The following PTK2 variants were observed in gnomAD, a reference collection of about 807,000 sequenced individuals.
PTK2 encodes protein tyrosine kinase 2, also known as focal adhesion kinase 1.
Under a neutral mutation model 150.1 loss-of-function variants are expected in PTK2, and 45 were observed. The ratio of observed to expected loss-of-function variants is 0.30; its 90% CI spans 0.24 to 0.38. The LOEUF is 0.38. Among genes scored for constraint, PTK2 ranks in the 10% least tolerant of loss-of-function variants. The pLI is 1.00. For synonymous variants in PTK2, 432 were observed against 449.2 expected (o/e 0.96, Z 0.48); for missense variants, 919 against 1,307.3 (o/e 0.70, Z 4.58).
In PTK2 at chr8:140,924,685, G is replaced by A. The variant is rs76122617; in HGVS notation, c.-33+976C>T. Among the ~76,000 whole-genome samples the A allele has an allele frequency of 2.6e-4, 39 of 152,216 alleles. No individual in the cohort carries two copies. The East Asian group carries it at 6.6e-3, about 26-fold the overall frequency. ...TAGTACATACTTATTGAATGAATAA[G>A]TGAACTAAACATTATGAAAACTTTG... On this transcript the variant is annotated intron_variant, in intron 2 of 31. Coordinates refer to ENST00000522684, the Ensembl canonical transcript of PTK2.
At chr8:140,951,909 A>AATT (rs397731649) in intron 1 of PTK2, among the ~76,000 whole-genome samples, 1 of 145,408 alleles carries the variant, frequency 6.9e-6, no homozygotes, top group African/African-American at 2.5e-5. Context: ...AAAAAAAAAA[A>AATT]TTTTTTTTTT....
intron 12 of PTK2, among the ~76,000 whole-genome samples, chr8:140,795,943 C>T (rs2100091295): frequency 1.3e-5 from 2 of 152,190 alleles, no homozygotes; most frequent in African/African-American, 4.8e-5. Flanking sequence ...CGGCAGAGAG[C>T]CCTTCCTGGA....
chr8:140,682,367 C>T (rs906655461), intron 27 of PTK2, among the ~76,000 whole-genome samples: 1 of 152,154 alleles, frequency 6.6e-6, no homozygotes, highest in Non-Finnish European at 1.5e-5. Context: ...AAGACCCTGT[C>T]TCAAAACAAA....
At chr8:140,725,858 A>G (rs1159436165) in intron 22 of PTK2, among the ~76,000 whole-genome samples, 1 of 151,400 alleles carries the variant, frequency 6.6e-6, no homozygotes, top group Non-Finnish European at 1.5e-5. Context: ...AAAAAAAAAA[A>G]CCCATAAAAA....
chr8:140,735,182 A>G, intron 22 of PTK2, 69 bp downstream of exon 25: 1 of 1,429,910 alleles, frequency 7.0e-7, no homozygotes, highest in Non-Finnish European at 9.7e-7. Context: ...TTAAAATGCT[A>G]TTACTGCAAG....
chr8:140,934,463 C>T (rs2154608635), intron 1 of PTK2: 1 of 152,188 alleles, frequency 6.6e-6, no homozygotes, highest in Admixed American at 6.5e-5. Flanking sequence ...AAATTAGCAA[C>T]TCCATTCTCC....
chr8:140,986,139 A>G (rs2100193170), intron 1 of PTK2, among the ~76,000 whole-genome samples: 1 of 152,206 alleles, frequency 6.6e-6, no homozygotes, highest in Non-Finnish European at 1.5e-5. Flanking sequence ...GCGCTGCCCA[A>G]TGTAGTAGCC....
Position 140,706,272 on chromosome 8 carries a change from C to A in PTK2, c.2143-67G>T. On this transcript the variant is annotated intron_variant, in intron 23 of 31. Transcript: ENST00000522684. ...TTTGACAAACCTGTACTTTATGAAT[C>A]GAAAAAGACATTTTCCTAATAGAGC... 3.3e-6 allele frequency: 4 copies of A among 1,211,702 alleles called. No individual in the cohort carries two copies. The South Asian group carries it at 3.8e-5, about 12-fold the overall frequency. 75.1% of individuals were successfully genotyped at this position (1,211,702 alleles called of 1,614,324 possible).
chr8:140,943,084 G>C (rs1354414587), intron 1 of PTK2, among the ~76,000 whole-genome samples: 1 of 152,148 alleles, frequency 6.6e-6, no homozygotes, highest in Non-Finnish European at 1.5e-5. Flanking sequence ...CCGCAGAACA[G>C]TGAGCCGATT....
At chr8:140,720,036 G>A (rs1294060499) in intron 22 of PTK2, among the ~76,000 whole-genome samples, 3 of 152,118 alleles carry the variant, frequency 2.0e-5, no homozygotes, top group African/African-American at 7.2e-5. Flanking sequence ...AAGCGGGAGA[G>A]GACACTGTCC....
At chr8:140,744,630 C>CA in intron 19 of PTK2, 22 bp downstream of exon 22, 2 of 1,438,024 alleles carry the variant, frequency 1.4e-6, no homozygotes, top group Non-Finnish European at 1.9e-6. Flanking sequence ...GGGAACTTAA[C>CA]AGCTTTATGA....
At chr8:140,953,499 G>C (rs1385019016) in intron 1 of PTK2, among the ~76,000 whole-genome samples, 1 of 152,186 alleles carries the variant, frequency 6.6e-6, no homozygotes, top group Non-Finnish European at 1.5e-5. Context: ...ACAGTGTGGT[G>C]GATATGCTGG....
intron 14 of PTK2, among the ~76,000 whole-genome samples, chr8:140,781,632 T>C (rs910084586): frequency 1.3e-5 from 2 of 152,210 alleles, no homozygotes; most frequent in African/African-American, 4.8e-5. Context: ...TTGGCCTTTT[T>C]AAAAATTTGA....
exon 32 of PTK2, chr8:140,658,390 TACA>T (rs1424626247): frequency 1.1e-5 from 2 of 180,682 alleles, no homozygotes; most frequent in Non-Finnish European, 2.4e-5. Context: ...GAAAGGATAT[TACA>T]ACAAGAACTT....
intron 4 of PTK2, among the ~76,000 whole-genome samples, chr8:140,867,403 T>C (rs890913142): frequency 6.6e-6 from 1 of 152,186 alleles, no homozygotes; most frequent in Non-Finnish European, 1.5e-5. Flanking sequence ...GAGGTAGGCA[T>C]GGGATTCCTC....
intron 31 of PTK2, among the ~76,000 whole-genome samples, chr8:140,664,138 C>A (rs1563830260): frequency 6.6e-6 from 1 of 152,110 alleles, no homozygotes; most frequent in Non-Finnish European, 1.5e-5. Flanking sequence ...CGCGTGCCAC[C>A]ATGCCTAGCT....
rs78006816 is a variant in PTK2, at chr8:140,827,392, G to A, written c.648+3080C>T. Among the ~76,000 whole-genome samples, 91 of 152,226 alleles carry A rather than the reference G, an allele frequency of 6.0e-4. No homozygotes were observed. The East Asian group carries it at 0.016, about 27-fold the overall frequency. On this transcript the variant is annotated intron_variant, in intron 8 of 31. Coordinates refer to ENST00000522684, the Ensembl canonical transcript of PTK2. ...TGTGAGCCCTCTCTGGCCACCAGGA[G>A]TTATCTGATACCCAGGTACAGCTCA...
intron 2 of PTK2, among the ~76,000 whole-genome samples, chr8:140,914,544 C>T (rs1568780992): frequency 6.6e-6 from 1 of 151,386 alleles, no homozygotes; most frequent in Non-Finnish European, 1.5e-5. Flanking sequence ...AAGCCTAGCA[C>T]CCAAGAGTTT....
At chr8:140,751,442 C>T (rs965172110) in intron 17 of PTK2, among the ~76,000 whole-genome samples, 1 of 151,856 alleles carries the variant, frequency 6.6e-6, no homozygotes, top group Non-Finnish European at 1.5e-5. Flanking sequence ...TGGGATTACA[C>T]GTGTGAGCCA....
Sources: allele counts gnomAD v4.1 joint callset (sites outside exome capture counted in the v4.1 genomes callset), GRCh38; gene constraint gnomAD v4.1.1; transcripts MANE v1.5; gene names NCBI Gene and HGNC (gene_info 2026-07-23, HGNC 2026-07-21).